SORCS2: variants seen among roughly 807,000 people sequenced by gnomAD.
The protein encoded by SORCS2 is sortilin related VPS10 domain containing receptor 2, also known as VPS10 domain-containing receptor SorCS2.
In SORCS2, 100 loss-of-function variants were observed where a neutral mutation model predicts 141.6. The observed-to-expected ratio is 0.71, with a 90% CI of 0.60 to 0.83. The LOEUF (loss-of-function observed/expected upper bound fraction) is 0.83. Ranked by LOEUF, SORCS2 falls within the 40% of genes least tolerant of loss-of-function variation. SORCS2 has a pLI of 0.00. For missense variants in SORCS2, 1,646 were observed against 1,560.2 expected, an observed-to-expected ratio of 1.05 and a Z score of -0.93; for synonymous variants, 789 against 676.9, an observed-to-expected ratio of 1.17 and a Z score of -2.57.
intron 1 of SORCS2, among the ~76,000 whole-genome samples, chr4:7,337,628 A>T (rs1720069225): frequency 6.6e-6 from 1 of 152,122 alleles, no homozygotes; most frequent in African/African-American, 2.4e-5. Flanking sequence ...AGAGGGTTGG[A>T]TGTTGAAGAT....
intron 1 of SORCS2, among the ~76,000 whole-genome samples, chr4:7,391,665 G>C (rs1034509363): frequency 1.3e-5 from 2 of 152,226 alleles, no homozygotes; most frequent in African/African-American, 4.8e-5. Flanking sequence ...CAGTGGACGT[G>C]GGGGCTGGGC....
At chr4:7,657,342 T>C (rs149215231) in intron 5 of SORCS2, among the ~76,000 whole-genome samples, 3 of 152,090 alleles carry the variant, frequency 2.0e-5, no homozygotes, top group African/African-American at 7.2e-5. Flanking sequence ...AGTAGGTGAG[T>C]GAGTGAATGA....
chr4:7,288,276 C>T (rs1025241179), intron 1 of SORCS2, among the ~76,000 whole-genome samples: 9 of 152,070 alleles, frequency 5.9e-5, no homozygotes, highest in Non-Finnish European at 8.8e-5. Context: ...ATCTGAAATT[C>T]GGGGCCTTGC....
chr4:7,544,862 C>A (rs1327242167), intron 3 of SORCS2, among the ~76,000 whole-genome samples: 1 of 152,126 alleles, frequency 6.6e-6, no homozygotes, highest in Non-Finnish European at 1.5e-5. Context: ...GGGGTGGGAG[C>A]CCCTGCCTGG....
rs940641181 is a variant in SORCS2 at position 7,393,353 on chromosome 4, G to GA, written c.481-2928dup. Among the ~76,000 whole-genome samples, 6 of 152,230 alleles carry GA rather than the reference G, an allele frequency of 3.9e-5. No individual in the cohort carries two copies. In the East Asian group the frequency reaches 7.7e-4, roughly 20 times the overall value. ...CCCCAAGGCTAACACGTCAGCCACT[G>GA]AAAAAAACTGTCCCGGGGATATTTC... On this transcript the variant is annotated intron_variant, in intron 1 of 26. Transcript: ENST00000507866.
chr4:7,276,139 G>A (rs1319099333), intron 1 of SORCS2, among the ~76,000 whole-genome samples: 6 of 152,190 alleles, frequency 3.9e-5, no homozygotes, highest in African/African-American at 7.2e-5. Context: ...CACCAGCCCC[G>A]CTCATAGCCT....
In SORCS2 at chr4:7,676,045, C is replaced by T. The variant is rs1330088906; in HGVS notation, c.1162-5C>T. The T allele has an allele frequency of 6.3e-7, 1 of 1,575,212 alleles. No individual in the cohort carries two copies. Reference sequence around the variant, plus strand: ...TGACCCTGTGCTCCCTGCACATCCCCACAGGATCTGCAGATCATCAGCACG... The same window carrying T: ...TGACCCTGTGCTCCCTGCACATCCCTACAGGATCTGCAGATCATCAGCACG... On this transcript the variant is annotated splice_region_variant and splice_polypyrimidine_tract_variant and intron_variant, in intron 8 of 26. Transcript: ENST00000507866.
At chr4:7,631,553 A>C (rs1719896908) in intron 3 of SORCS2, among the ~76,000 whole-genome samples, 1 of 152,162 alleles carries the variant, frequency 6.6e-6, no homozygotes, top group African/African-American at 2.4e-5. Flanking sequence ...ACTTTGGCCC[A>C]GCCTGGGTGA....
At chr4:7,302,767 A>ATGTGTGTGTGTGTG (rs753375857) in intron 1 of SORCS2, among the ~76,000 whole-genome samples, 24,987 of 100,470 alleles carry the variant, frequency 0.25, 2,767 homozygotes, top group South Asian at 0.41. Flanking sequence ...GACAGTCCAC[A>ATGTGTGTGTGTGTG]TATGTGTGTG....
chr4:7,583,868 CCAGCTTCAGCA>C (rs1297887491), intron 3 of SORCS2, among the ~76,000 whole-genome samples: 5 of 152,182 alleles, frequency 3.3e-5, no homozygotes, highest in African/African-American at 1.2e-4. Context: ...AGTTTTATTC[CCAGCTTCAGCA>C]CAGCACAGAG....
chr4:7,519,340 G>A (rs888011746), intron 2 of SORCS2, among the ~76,000 whole-genome samples: 10 of 152,220 alleles, frequency 6.6e-5, no homozygotes, highest in Admixed American at 2.0e-4. Flanking sequence ...AAACCAGCGA[G>A]AACCACAATG....
chr4:7,684,430 C>T (rs1723748279), intron 10 of SORCS2, among the ~76,000 whole-genome samples: 1 of 152,128 alleles, frequency 6.6e-6, no homozygotes, highest in South Asian at 2.1e-4. Flanking sequence ...GCCTAGAATG[C>T]CCTTTCCCTT....
At chr4:7,441,001 G>T (rs114112832) in intron 2 of SORCS2, among the ~76,000 whole-genome samples, 19 of 152,308 alleles carry the variant, frequency 1.2e-4, no homozygotes, top group African/African-American at 4.3e-4. Flanking sequence ...GTGAGACCGT[G>T]GGGGAAGGTG....
chr4:7,399,442 G>A (rs887227952), intron 2 of SORCS2, among the ~76,000 whole-genome samples: 2 of 152,164 alleles, frequency 1.3e-5, no homozygotes, highest in South Asian at 4.1e-4. Flanking sequence ...AAAGTGGCTC[G>A]AAGCTGAATG....
At chr4:7,200,885 G>A (rs1219637456) in intron 1 of SORCS2, among the ~76,000 whole-genome samples, 4 of 152,142 alleles carry the variant, frequency 2.6e-5, no homozygotes, top group African/African-American at 7.2e-5. Flanking sequence ...TAAGAGTGTC[G>A]ACCTCACTTG....
chr4:7,704,808 A>G (rs749307341), intron 14 of SORCS2, among the ~76,000 whole-genome samples: 11 of 152,186 alleles, frequency 7.2e-5, no homozygotes, highest in Non-Finnish European at 1.6e-4. Flanking sequence ...TGCGGCCGCA[A>G]TGGGAGACAG....
At chr4:7,425,574 C>G (rs912056778) in intron 2 of SORCS2, among the ~76,000 whole-genome samples, 3 of 152,312 alleles carry the variant, frequency 2.0e-5, no homozygotes, top group Non-Finnish European at 2.9e-5. Context: ...TTTCCTTGGT[C>G]TCACAGAGAA....
intron 2 of SORCS2, among the ~76,000 whole-genome samples, chr4:7,420,236 C>T (rs145394074): frequency 1.3e-5 from 2 of 152,306 alleles, no homozygotes; most frequent in Non-Finnish European, 2.9e-5. Context: ...GCAGCAACGC[C>T]AGTTTTGGAG....
chr4:7,226,940 G>A (rs909439232), intron 1 of SORCS2, among the ~76,000 whole-genome samples: 1 of 152,226 alleles, frequency 6.6e-6, no homozygotes, highest in African/African-American at 2.4e-5. Context: ...GTTCCTCGAT[G>A]CCGCCATGTG....
Sources: gnomAD v4.1 joint callset for allele counts (sites outside exome capture counted in the v4.1 genomes callset) on GRCh38, gnomAD v4.1.1 for gene constraint, MANE v1.5 for transcripts, NCBI Gene and HGNC (gene_info 2026-07-23, HGNC 2026-07-21) for gene names.